The following CADPS2 variants were observed in gnomAD, a reference collection of about 807,000 sequenced individuals.
CADPS2 encodes calcium-dependent secretion activator 2.
CADPS2 carries 93 observed loss-of-function variants against 172.5 expected under a neutral mutation model. The observed-to-expected ratio is 0.54, with a 90% CI of 0.46 to 0.64. The LOEUF (loss-of-function observed/expected upper bound fraction) is 0.64. CADPS2 is among the 30% of genes least tolerant of loss of function. The pLI, the probability that CADPS2 is intolerant of heterozygous loss-of-function variation, is 0.00. For missense variants in CADPS2, 1,420 were observed against 1,565.9 expected, an observed-to-expected ratio of 0.91 and a Z score of 1.57; for synonymous variants, 546 against 555.2, an observed-to-expected ratio of 0.98 and a Z score of 0.23.
At chr7:122,336,338 T>G (rs937463619) in intron 28 of CADPS2, among the ~76,000 whole-genome samples, 1 of 152,146 alleles carries the variant, frequency 6.6e-6, no homozygotes, top group African/African-American at 2.4e-5. Context: ...CCATACCATT[T>G]GTTTAAGAAG....
intron 3 of CADPS2, among the ~76,000 whole-genome samples, chr7:122,650,475 G>A (rs369141677): frequency 6.6e-6 from 1 of 152,182 alleles, no homozygotes; most frequent in South Asian, 2.1e-4. Context: ...TTTTTAAAAA[G>A]TGGAAAGTTG....
chr7:122,411,041 C>T (rs928091571), intron 19 of CADPS2, among the ~76,000 whole-genome samples: 16 of 152,126 alleles, frequency 1.1e-4, no homozygotes, highest in African/African-American at 2.9e-4. Flanking sequence ...AGTTCTTACA[C>T]ATATAGTGTC....
rs757076901 is a variant in CADPS2 at position 122,663,522 on chromosome 7, C to G, written c.501G>C (p.Gly167=). ...CTTCTCTGAAGTCATTAGCAGAACA[C>G]CCTCCACTCTGTACCATTCTGGCCA... ...DRVARMVQSG[G]CSANDFREVF... Residue 167 remains glycine (G), a synonymous_variant, in exon 3 of 30, where the codon GGG becomes GGC. Coordinates refer to ENST00000449022, the MANE Select transcript of CADPS2 (RefSeq NM_017954.11). 1 of 1,604,390 alleles carries G rather than the reference C, an allele frequency of 6.2e-7. No homozygotes were observed. Among genetic ancestry groups the G allele is most frequent in the African/African-American group, 1.3e-5 (1 of 74,930 alleles).
At chr7:122,401,427 G>C (rs1451589690) in intron 20 of CADPS2, among the ~76,000 whole-genome samples, 1 of 152,140 alleles carries the variant, frequency 6.6e-6, no homozygotes, top group Admixed American at 6.5e-5. Context: ...TAGCTCCAAG[G>C]GTTTGCGTTT....
In CADPS2 at chr7:122,886,137, C is replaced by A; in HGVS notation, c.201G>T (p.Gly67=). The A allele has an allele frequency of 6.4e-7, 1 of 1,553,148 alleles. No individual in the cohort carries two copies. Among genetic ancestry groups the A allele is most frequent in the Non-Finnish European group, 8.7e-7 (1 of 1,149,132 alleles). Residue 67 remains glycine (G), a synonymous_variant, in exon 1 of 30, where the codon GGG becomes GGT. Transcript: ENST00000449022. Reference sequence around the variant, plus strand: ...CCAGCTGCCGCTGGGGCTCGTCTCGCCCCTCGCTGAGCACAGAGGGGCTCG... The same window carrying A: ...CCAGCTGCCGCTGGGGCTCGTCTCGACCCTCGCTGAGCACAGAGGGGCTCG... ...VSPSPSVLSE[G]RDEPQRQLDD... is the part of the protein sequence containing the mutation.
At chr7:122,639,364 C>T (rs1025166121) in intron 3 of CADPS2, among the ~76,000 whole-genome samples, 10 of 152,162 alleles carry the variant, frequency 6.6e-5, no homozygotes, top group African/African-American at 2.2e-4. Flanking sequence ...TTTTGATTCA[C>T]AAATAATTAT....
In CADPS2 at chr7:122,875,156, CAT is replaced by C. The variant is rs565846399; in HGVS notation, c.339+10841_339+10842del. Among the ~76,000 whole-genome samples, 19 of 152,316 alleles carry C rather than the reference CAT, an allele frequency of 1.2e-4. No homozygotes were observed. The South Asian group carries it at 3.9e-3, about 32-fold the overall frequency. On this transcript the variant is annotated intron_variant, in intron 1 of 29. Coordinates refer to ENST00000449022, the MANE Select transcript of CADPS2 (RefSeq NM_017954.11). ...ATGTGTACACGTTTGCAGATGTGTA[CAT>C]ACGTGTTTACATTAGACGCATAACT...
chr7:122,597,401 G>GT (rs1563813030), intron 6 of CADPS2, among the ~76,000 whole-genome samples: 2 of 152,110 alleles, frequency 1.3e-5, no homozygotes, highest in Non-Finnish European at 2.9e-5. Flanking sequence ...TGGTCTGAAT[G>GT]TATGTGTCCC....
chr7:122,366,267 T>C (rs1388035944), intron 25 of CADPS2, among the ~76,000 whole-genome samples: 2 of 151,262 alleles, frequency 1.3e-5, no homozygotes, highest in Non-Finnish European at 2.9e-5. Flanking sequence ...TAGGAGAAAA[T>C]AGGTTGTCTT....
intron 2 of CADPS2, among the ~76,000 whole-genome samples, chr7:122,664,064 C>CAAAA (rs541690772): frequency 5.5e-4 from 47 of 84,822 alleles, no homozygotes; most frequent in East Asian, 8.1e-4. Context: ...TGTTTATAAG[C>CAAAA]AAAAAAAAAA....
chr7:122,799,603 CAAA>C (rs58187843), intron 1 of CADPS2, among the ~76,000 whole-genome samples: 1 of 48,270 alleles, frequency 2.1e-5, no homozygotes, highest in Non-Finnish European at 4.4e-5. Context: ...GATTCCATCT[CAAA>C]AAAAAAAAAA....
intron 8 of CADPS2, among the ~76,000 whole-genome samples, chr7:122,518,929 C>T (rs1397698257): frequency 6.6e-6 from 1 of 151,928 alleles, no homozygotes; most frequent in Non-Finnish European, 1.5e-5. Flanking sequence ...CATTAATTTC[C>T]ACCAACCTAC....
At chr7:122,472,548 C>T (rs2056117506) in intron 13 of CADPS2, among the ~76,000 whole-genome samples, 1 of 152,144 alleles carries the variant, frequency 6.6e-6, no homozygotes, top group Non-Finnish European at 1.5e-5. Context: ...AAATCACACT[C>T]ACTCCCCTTT....
intron 1 of CADPS2, among the ~76,000 whole-genome samples, chr7:122,846,259 T>A (rs1244106546): frequency 6.6e-6 from 1 of 152,194 alleles, no homozygotes; most frequent in African/African-American, 2.4e-5. Context: ...AAAACTGATT[T>A]AACAACCCAG....
chr7:122,744,872 G>A (rs1298112408), intron 1 of CADPS2, among the ~76,000 whole-genome samples: 1 of 152,062 alleles, frequency 6.6e-6, no homozygotes, highest in Non-Finnish European at 1.5e-5. Context: ...TGGGCAGGGA[G>A]CTGGTGAATG....
At chr7:122,630,233 C>T (rs568935096) in intron 3 of CADPS2, among the ~76,000 whole-genome samples, 21 of 152,074 alleles carry the variant, frequency 1.4e-4, no homozygotes, top group Non-Finnish European at 1.8e-4. Flanking sequence ...AATGAGAAAA[C>T]AGTTTACTTG....
intron 17 of CADPS2, among the ~76,000 whole-genome samples, chr7:122,423,933 T>G (rs2048839158): frequency 6.6e-6 from 1 of 152,210 alleles, no homozygotes; most frequent in Non-Finnish European, 1.5e-5. Context: ...ACGTAAACTT[T>G]GATTATTTCC....
chr7:122,404,847 C>T (rs147869546), intron 20 of CADPS2, among the ~76,000 whole-genome samples: 135 of 152,138 alleles, frequency 8.9e-4, no homozygotes, highest in African/African-American at 2.5e-3. Flanking sequence ...TACATATGGC[C>T]GGGCGCGGTG....
At chr7:122,398,721 G>A (rs1385472779) in intron 20 of CADPS2, among the ~76,000 whole-genome samples, 1 of 150,784 alleles carries the variant, frequency 6.6e-6, no homozygotes, top group East Asian at 2.0e-4. Context: ...ACAGCATTAT[G>A]TAAAAGGAAA....
Sources: gnomAD v4.1 joint callset for allele counts (sites outside exome capture counted in the v4.1 genomes callset) on GRCh38, gnomAD v4.1.1 for gene constraint, MANE v1.5 for transcripts, NCBI Gene and HGNC (gene_info 2026-07-23, HGNC 2026-07-21) for gene names.